CREB5: variants seen among roughly 807,000 people sequenced by gnomAD.
CREB5 encodes the protein cyclic AMP-responsive element-binding protein 5.
In CREB5, 19 loss-of-function variants were observed where a neutral mutation model predicts 57.1. The observed-to-expected ratio is 0.33, with a 90% CI of 0.23 to 0.49. CREB5 has a LOEUF of 0.49. CREB5 is among the 20% of genes least tolerant of loss of function. The probability of loss-of-function intolerance (pLI) is 0.99; values close to 1 mark genes in which losing one functional copy is unlikely to be tolerated. For synonymous variants in CREB5, 238 were observed against 238.3 expected (o/e 1.00, Z 0.01); for missense variants, 579 against 671.6 (o/e 0.86, Z 1.52).
chr7:28,788,434 A>G (rs891869537), intron 7 of CREB5, among the ~76,000 whole-genome samples: 1 of 152,222 alleles, frequency 6.6e-6, no homozygotes, highest in Admixed American at 6.5e-5. Flanking sequence ...CAATAGCACC[A>G]TCTATTTAAT....
chr7:28,403,138 T>C (rs1202976209), intron 1 of CREB5, among the ~76,000 whole-genome samples: 1 of 152,152 alleles, frequency 6.6e-6, no homozygotes, highest in Non-Finnish European at 1.5e-5. Context: ...GAACATCAGC[T>C]TGTATAAAAT....
chr7:28,316,371 G>C lies in CREB5; in HGVS notation c.-25+16930G>C, dbSNP rs17156576. Reference sequence around the variant, plus strand: ...CTGGGAAAACCTGAGCCAAAAAGCTGGCCCGGGGACACTGCTGGGCCAGAA... The same window carrying C: ...CTGGGAAAACCTGAGCCAAAAAGCTCGCCCGGGGACACTGCTGGGCCAGAA... On this transcript the variant is annotated intron_variant, in intron 1 of 9. Transcript: ENST00000396299. Among the ~76,000 whole-genome samples, 537 of 152,250 alleles carry C rather than the reference G, an allele frequency of 3.5e-3. 2 individuals carry two copies. Among genetic ancestry groups the C allele is most frequent in the African/African-American group, 0.011 (477 of 41,546 alleles).
chr7:28,477,505 C>T (rs944384678), intron 1 of CREB5, among the ~76,000 whole-genome samples: 2 of 152,248 alleles, frequency 1.3e-5, no homozygotes, highest in Non-Finnish European at 2.9e-5. Context: ...ATCCTCTTTC[C>T]CTTTTCATAC....
intron 1 of CREB5, among the ~76,000 whole-genome samples, chr7:28,473,426 G>A (rs1790916036): frequency 6.6e-6 from 1 of 152,072 alleles, no homozygotes; most frequent in Non-Finnish European, 1.5e-5. Flanking sequence ...TAGTTTCCTT[G>A]GTCACTTTTT....
At chr7:28,410,031 C>T, upstream of CREB5, 1 of 446,210 alleles carries the variant, frequency 2.2e-6, no homozygotes, top group Non-Finnish European at 4.5e-6. Flanking sequence ...AAACTTCCAG[C>T]GGGCGCGGCG....
At chr7:28,492,280 G>A (rs1004102561) in intron 2 of CREB5, among the ~76,000 whole-genome samples, 1 of 152,186 alleles carries the variant, frequency 6.6e-6, no homozygotes, top group Admixed American at 6.5e-5. Context: ...GATTACAGGC[G>A]TGAGCCACCG....
chr7:28,470,676 T>A (rs1419493730), intron 1 of CREB5, among the ~76,000 whole-genome samples: 2 of 152,230 alleles, frequency 1.3e-5, no homozygotes, highest in Non-Finnish European at 2.9e-5. Context: ...GTGATTGTAC[T>A]AATTTACATT....
At chr7:28,578,567 G>A (rs957102164) in intron 5 of CREB5, among the ~76,000 whole-genome samples, 18 of 152,102 alleles carry the variant, frequency 1.2e-4, no homozygotes, top group Admixed American at 8.5e-4. Flanking sequence ...GTGTCCCTGC[G>A]GGCATTTCAG....
At chr7:28,353,708 TG>T (rs1319516412) in intron 1 of CREB5, among the ~76,000 whole-genome samples, 1 of 151,850 alleles carries the variant, frequency 6.6e-6, no homozygotes, top group Non-Finnish European at 1.5e-5. Flanking sequence ...CTGGGTGTGG[TG>T]GCAGGCGCCT....
At chr7:28,815,334 C>A (rs1040899926) in intron 9 of CREB5, among the ~76,000 whole-genome samples, 10 of 152,124 alleles carry the variant, frequency 6.6e-5, no homozygotes, top group African/African-American at 1.4e-4. Context: ...AAATGATGGT[C>A]AGTTGTCTCA....
intron 1 of CREB5, among the ~76,000 whole-genome samples, chr7:28,437,632 C>T (rs1287228770): frequency 2.6e-5 from 4 of 152,062 alleles, no homozygotes; most frequent in Non-Finnish European, 5.9e-5. Context: ...TTTTACCTAA[C>T]AACAGGAAAC....
intron 4 of CREB5, among the ~76,000 whole-genome samples, chr7:28,532,434 A>G (rs759463510): frequency 6.6e-6 from 1 of 152,216 alleles, no homozygotes; most frequent in African/African-American, 2.4e-5. Flanking sequence ...CAGCAGCTGC[A>G]TTGCAAAATT....
chr7:28,399,911 A>T (rs376697636), intron 1 of CREB5, among the ~76,000 whole-genome samples: 11 of 152,134 alleles, frequency 7.2e-5, no homozygotes, highest in African/African-American at 2.7e-4. Flanking sequence ...TACAAAAATT[A>T]GCTGGGCGTG....
intron 5 of CREB5, among the ~76,000 whole-genome samples, chr7:28,607,990 AT>A (rs1033891472): frequency 6.6e-6 from 1 of 151,906 alleles, no homozygotes; most frequent in African/African-American, 2.4e-5. Context: ...GGGTAATGTC[AT>A]TGGCTGTGAG....
intron 2 of CREB5, among the ~76,000 whole-genome samples, chr7:28,489,015 T>G (rs2128594555): frequency 6.6e-6 from 1 of 152,340 alleles, no homozygotes; most frequent in East Asian, 1.9e-4. Context: ...ACTTTACCTT[T>G]GGAAGGTGAC....
intron 7 of CREB5, among the ~76,000 whole-genome samples, chr7:28,798,284 A>G (rs1296549934): frequency 6.8e-6 from 1 of 147,024 alleles, no homozygotes; most frequent in Non-Finnish European, 1.5e-5. Context: ...GCCTTGTTGA[A>G]GATGGAGAAG....
intron 5 of CREB5, among the ~76,000 whole-genome samples, chr7:28,709,209 ATG>A (rs1389801203): frequency 6.6e-6 from 1 of 152,160 alleles, no homozygotes; most frequent in Non-Finnish European, 1.5e-5. Flanking sequence ...CCATCTCTTC[ATG>A]TCTGTAAGTC....
At chr7:28,513,294 C>G (rs1792795070) in intron 4 of CREB5, among the ~76,000 whole-genome samples, 2 of 152,204 alleles carry the variant, frequency 1.3e-5, no homozygotes, top group African/African-American at 4.8e-5. Context: ...TAACATGTTG[C>G]TTCTCTGATA....
chr7:28,444,781 TA>T (rs1415773751), intron 1 of CREB5, among the ~76,000 whole-genome samples: 16 of 152,292 alleles, frequency 1.1e-4, no homozygotes, highest in South Asian at 2.1e-4. Context: ...AAAATCCAAT[TA>T]GTGAAGAATT....
Sources: gnomAD v4.1 joint callset for allele counts (sites outside exome capture counted in the v4.1 genomes callset) on GRCh38, gnomAD v4.1.1 for gene constraint, MANE v1.5 for transcripts, NCBI Gene and HGNC (gene_info 2026-07-23, HGNC 2026-07-21) for gene names.